Variants in PSMC2 observed in about 807,000 individuals in gnomAD.
PSMC2 encodes the protein 26S proteasome regulatory subunit 7.
PSMC2 carries 7 observed loss-of-function variants against 53.3 expected under a neutral mutation model. The observed-to-expected ratio is 0.13, with a 90% confidence interval of 0.07 to 0.25. The LOEUF (loss-of-function observed/expected upper bound fraction) is 0.25. Among genes scored for constraint, PSMC2 ranks in the 10% least tolerant of loss-of-function variants. PSMC2 has a pLI of 1.00. For missense variants in PSMC2, 241 were observed against 544.0 expected (o/e 0.44, Z 5.54); for synonymous variants, 169 against 183.9 (o/e 0.92, Z 0.66).
rs1270676871 is a variant in PSMC2, at chr7:103,368,000, CATT to C, written c.1250_1252del (p.Ile417del). On this transcript the variant is annotated inframe_deletion, in exon 12 of 12. Coordinates refer to ENST00000292644, the MANE Select transcript of PSMC2 (RefSeq NM_002803.4). This position sits in a 1 kb window ranked among gnomAD's most constrained non-coding sequence, Gnocchi z 6.1. ...ATTTCTTGGAAGCTGTAAATAAGGT[CATT>C]AAGTCTTATGCCAAATTCAGTGCTA... 1 of 1,613,938 alleles carries C rather than the reference CATT, an allele frequency of 6.2e-7. No homozygotes were observed. Among genetic ancestry groups the C allele is most frequent in the Non-Finnish European group, 8.5e-7 (1 of 1,179,962 alleles).
intron 1 of PSMC2, 116 bp downstream of exon 1, chr7:103,347,897 C>T (rs1173192997): frequency 1.7e-6 from 2 of 1,152,808 alleles, no homozygotes; most frequent in Non-Finnish European, 2.6e-6. Context: ...CTTTTGTGCC[C>T]CTAGTAATTT....
At position 103,368,208 on chromosome 7, in the gene PSMC2, T is replaced by TTGG. The variant is rs1820821683; in HGVS notation, c.*154_*155insTGG. The TTGG allele has an allele frequency of 7.0e-6, 5 of 712,254 alleles. No individual in the cohort carries two copies. The highest frequency in any genetic ancestry group is 3.6e-4 in the Middle Eastern group (1 of 2,744). The allele number at this position is 712,254 out of a possible 1,614,324, so 44.1% of individuals were successfully genotyped here. A position where few individuals can be genotyped will look rare whatever the true frequency, so the allele number is the denominator to read the frequency against. On this transcript the variant is annotated 3_prime_UTR_variant, in exon 12 of 12. Transcript: ENST00000292644. Reference sequence around the variant, plus strand: ...TATAATAAAAGGTGATTTCTAATGTTATTAGGCAGAAAAGCTTGTTAGAAT... The same window carrying TTGG: ...TATAATAAAAGGTGATTTCTAATGTTTGGATTAGGCAGAAAAGCTTGTTAGAAT...
chr7:103,364,966 T>TATATATATATAC (rs1352243371), intron 8 of PSMC2, among the ~76,000 whole-genome samples: 2 of 141,572 alleles, frequency 1.4e-5, no homozygotes, highest in East Asian at 4.0e-4. Context: ...TACATATATA[T>TATATATATATAC]ATATATATAT....
At chr7:103,350,455 G>C (rs1027144217) in intron 1 of PSMC2, among the ~76,000 whole-genome samples, 1 of 152,014 alleles carries the variant, frequency 6.6e-6, no homozygotes, top group Admixed American at 6.6e-5. Flanking sequence ...ATTTATAGCA[G>C]CTATTACTAT....
chr7:103,350,760 A>ATGG (rs1442350293), intron 1 of PSMC2, among the ~76,000 whole-genome samples: 1 of 152,146 alleles, frequency 6.6e-6, no homozygotes, highest in Non-Finnish European at 1.5e-5. Context: ...GGCCACCCAA[A>ATGG]GTACTGGCAT....
chr7:103,355,644 T>G (rs771149027), intron 3 of PSMC2, 50 bp from the exon 4 acceptor site: 8 of 1,362,818 alleles, frequency 5.9e-6, no homozygotes, highest in Non-Finnish European at 8.4e-6. Context: ...AAGCTTATTA[T>G]AGGGTGATGC....
rs1021041931 is a variant in PSMC2 at position 103,368,425 on chromosome 7, C to CTACT, written c.*377_*380dup. On this transcript the variant is annotated 3_prime_UTR_variant, in exon 12 of 12. Coordinates refer to ENST00000292644, the MANE Select transcript of PSMC2 (RefSeq NM_002803.4). ...TCATCCAATGGATGCATAAACTTTC[C>CTACT]TACTTACTTGTAGTGGCAAAGCTGG... is the stretch of plus-strand genomic sequence containing the variant. 1.2e-5 allele frequency: 2 copies of CTACT among 161,716 alleles called. No homozygotes were observed. Among genetic ancestry groups the CTACT allele is most frequent in the African/African-American group, 4.8e-5 (2 of 41,742 alleles). The allele number at this position is 161,716 out of a possible 1,614,324, so 10.0% of individuals were successfully genotyped here.
At chr7:103,348,656 G>T (rs1400715068) in intron 1 of PSMC2, 5 of 1,543,804 alleles carry the variant, frequency 3.2e-6, no homozygotes, top group South Asian at 1.1e-5. Context: ...CAGGGTTCTC[G>T]CTCTTGTCGC....
chr7:103,348,868 CTTGT>C (rs1392265014), intron 1 of PSMC2: 2 of 529,966 alleles, frequency 3.8e-6, no homozygotes, highest in Admixed American at 2.9e-5. Context: ...AATGAATAAT[CTTGT>C]TTATGTAACT....
chr7:103,360,893 C>G (rs1246758489), intron 4 of PSMC2, among the ~76,000 whole-genome samples: 2 of 151,932 alleles, frequency 1.3e-5, no homozygotes, highest in Non-Finnish European at 2.9e-5. Context: ...AGGTGGATCA[C>G]TTGAGGTCGG....
intron 8 of PSMC2, among the ~76,000 whole-genome samples, chr7:103,365,535 A>G (rs1392028352): frequency 6.6e-6 from 1 of 152,206 alleles, no homozygotes; most frequent in African/African-American, 2.4e-5. Context: ...AGGCCGAGGC[A>G]TGAGAATCGC....
Position 103,362,777 on chromosome 7 carries a change from G to A in PSMC2, c.495+19G>A, listed in dbSNP as rs1201805596. 1.4e-5 allele frequency: 20 copies of A among 1,444,232 alleles called. No homozygotes were observed. The Admixed American group carries it at 3.5e-4, about 26-fold the overall frequency. 89.5% of individuals were successfully genotyped at this position (1,444,232 alleles called of 1,614,324 possible). A position where few individuals can be genotyped will look rare whatever the true frequency, so the allele number is the denominator to read the frequency against. On this transcript the variant is annotated intron_variant, in intron 6 of 11. Transcript: ENST00000292644. Reference sequence around the variant, plus strand: ...GATGCAGGTAAGAAACTATGGGAGGGAAAAGGAAGGCTATGTCTTTTTTTT... The same window carrying A: ...GATGCAGGTAAGAAACTATGGGAGGAAAAAGGAAGGCTATGTCTTTTTTTT...
chr7:103,347,601 T>G (rs1447118374), upstream of PSMC2: 1 of 1,257,662 alleles, frequency 8.0e-7, no homozygotes, highest in African/African-American at 1.5e-5. Flanking sequence ...CATAAAGGGG[T>G]CTGTCTGAGC....
At chr7:103,361,219 C>T (rs1240172598) in intron 4 of PSMC2, among the ~76,000 whole-genome samples, 3 of 151,740 alleles carry the variant, frequency 2.0e-5, no homozygotes, top group Non-Finnish European at 4.4e-5. Context: ...TGTGGTGGCT[C>T]ACGCCTGTAA....
Position 103,368,190 on chromosome 7 carries a change from A to G in PSMC2, c.*136A>G. 1.2e-6 allele frequency: 1 copy of G among 804,764 alleles called. No individual in the cohort carries two copies. Among genetic ancestry groups the G allele is most frequent in the Non-Finnish European group, 1.9e-6 (1 of 537,728 alleles). The allele number at this position is 804,764 out of a possible 1,614,324, so 49.9% of individuals were successfully genotyped here. On this transcript the variant is annotated 3_prime_UTR_variant, in exon 12 of 12. Transcript: ENST00000292644. ...CCATATCTCTTCTTGTAATATAATA[A>G]AAGGTGATTTCTAATGTTATTAGGC...
Position 103,368,865 on chromosome 7 carries a change from T to C in PSMC2, c.*811T>C, listed in dbSNP as rs1449645346. ...ATTACTTTAAAATTTTGGTAAAGTT[T>C]CTGTTAGGCTTCTGGTCTACAGTGA... On this transcript the variant is annotated 3_prime_UTR_variant, in exon 12 of 12. Coordinates refer to ENST00000292644, the MANE Select transcript of PSMC2 (RefSeq NM_002803.4). The C allele has an allele frequency of 6.6e-6, 1 of 152,236 alleles. No homozygotes were observed. Among genetic ancestry groups the C allele is most frequent in the Non-Finnish European group, 1.5e-5 (1 of 68,038 alleles). The allele number at this position is 152,236 out of a possible 1,614,324, so 9.4% of individuals were successfully genotyped here. A position where few individuals can be genotyped will look rare whatever the true frequency, so the allele number is the denominator to read the frequency against.
intron 8 of PSMC2, among the ~76,000 whole-genome samples, chr7:103,364,972 TA>T (rs1563495581): frequency 7.6e-5 from 11 of 144,870 alleles, no homozygotes; most frequent in Non-Finnish European, 1.4e-4. Flanking sequence ...TATATATATA[TA>T]TATATATATA....
intron 4 of PSMC2, among the ~76,000 whole-genome samples, chr7:103,359,012 C>G (rs544611417): frequency 7.5e-4 from 112 of 148,936 alleles, no homozygotes; most frequent in Non-Finnish European, 1.3e-3. Context: ...GAGACAAGGT[C>G]TCACTTTGTT....
In PSMC2 at chr7:103,368,668, A is replaced by G. The variant is rs1361265348; in HGVS notation, c.*614A>G. 6.6e-6 allele frequency: 1 copy of G among 152,226 alleles called. No homozygotes were observed. Among genetic ancestry groups the G allele is most frequent in the African/African-American group, 2.4e-5 (1 of 41,450 alleles). 9.4% of individuals were successfully genotyped at this position (152,226 alleles called of 1,614,324 possible). On this transcript the variant is annotated 3_prime_UTR_variant, in exon 12 of 12. Coordinates refer to ENST00000292644, the MANE Select transcript of PSMC2 (RefSeq NM_002803.4). ...CCATTTGATTTCAAATTAATCAGGA[A>G]GAATTAGTGATTTTAATGAGCAGTA...
Sources: allele counts gnomAD v4.1 joint callset (sites outside exome capture counted in the v4.1 genomes callset), GRCh38; gene constraint gnomAD v4.1.1; non-coding constraint Gnocchi (gnomAD v3.1); transcripts MANE v1.5; gene names NCBI Gene and HGNC (gene_info 2026-07-23, HGNC 2026-07-21).